CIMIP2B: variants seen among roughly 807,000 people sequenced by gnomAD.
The protein encoded by CIMIP2B is ciliary microtubule inner protein 2B, also known as family with sequence similarity 166 member B.
chr9:35,563,414 C>T, the CIMIP2B span: 1 of 1,552,268 alleles, frequency 6.4e-7, no homozygotes, highest in Non-Finnish European at 8.8e-7. Context: ...CTCCCACTCA[C>T]CAGAATCGCC....
At chr9:35,563,840 C>T in the CIMIP2B span, 47 of 1,613,572 alleles carry the variant, frequency 2.9e-5, 1 homozygote, top group Middle Eastern at 3.3e-4. Context: ...GGGAGCCGGG[C>T]ATTTCCTTTT....
At chr9:35,563,660 T>A in the CIMIP2B span, 108 of 1,098,124 alleles carry the variant, frequency 9.8e-5, no homozygotes, top group Middle Eastern at 4.0e-4. Flanking sequence ...GACCTCAGCC[T>A]CCCAAACCAA....
chr9:35,562,601 C>A, the CIMIP2B span: 1 of 1,609,532 alleles, frequency 6.2e-7, no homozygotes, highest in Non-Finnish European at 8.5e-7. Flanking sequence ...TGAGCCAAGG[C>A]ATCCTGGGGC....
At chr9:35,563,300 A>G in the CIMIP2B span, 1 of 1,613,968 alleles carries the variant, frequency 6.2e-7, no homozygotes. Flanking sequence ...GGGCCAGGCT[A>G]GGCCAGGAGG....
At chr9:35,563,531 G>A in the CIMIP2B span, 1 of 768,830 alleles carries the variant, frequency 1.3e-6, no homozygotes, top group Non-Finnish European at 2.1e-6. Flanking sequence ...TCTCTGCCTG[G>A]GCTTTCGATC....
the CIMIP2B span, chr9:35,562,814 GAC>G: frequency 1.2e-6 from 2 of 1,610,490 alleles, no homozygotes; most frequent in East Asian, 4.5e-5. Flanking sequence ...CCACTGCCCG[GAC>G]ACACAGTAAG....
At chr9:35,562,552 G>A in the CIMIP2B span, 705,697 of 1,585,980 alleles carry the variant, frequency 0.44, 162,243 homozygotes, top group Admixed American at 0.59. Context: ...GGAAGCGGGC[G>A]CAGGGCACAT....
At chr9:35,561,877 AAG>A in the CIMIP2B span, 3 of 692,102 alleles carry the variant, frequency 4.3e-6, no homozygotes, top group East Asian at 5.5e-5. Flanking sequence ...ATTAATAAAA[AAG>A]GTGCTCAGCC....
the CIMIP2B span, chr9:35,562,960 G>A: frequency 6.2e-7 from 1 of 1,613,940 alleles, no homozygotes; most frequent in Non-Finnish European, 8.5e-7. Context: ...TCTTCCCTTG[G>A]CCTCCTTTGG....
chr9:35,561,996 T>C, the CIMIP2B span: 1 of 1,323,578 alleles, frequency 7.6e-7, no homozygotes, highest in Non-Finnish European at 9.8e-7. Flanking sequence ...GGGAACTTGA[T>C]GTCCAGTGGC....
the CIMIP2B span, chr9:35,562,200 C>CTAAT: frequency 3.4e-5 from 36 of 1,060,816 alleles, no homozygotes; most frequent in African/African-American, 4.8e-4. Context: ...AAATCTGGCC[C>CTAAT]TAATTCCCCA....
the CIMIP2B span, chr9:35,563,155 T>C: frequency 1.2e-6 from 2 of 1,613,812 alleles, no homozygotes; most frequent in Non-Finnish European, 1.7e-6. Context: ...TGTGCATACC[T>C]GCGTACAAAC....
the CIMIP2B span, chr9:35,563,831 G>A: frequency 1.9e-6 from 3 of 1,613,796 alleles, no homozygotes; most frequent in African/African-American, 4.0e-5. Flanking sequence ...ACAGCCATGG[G>A]GAGCCGGGCA....
At chr9:35,563,237 A>C in the CIMIP2B span, 2 of 1,613,914 alleles carry the variant, frequency 1.2e-6, no homozygotes, top group Non-Finnish European at 1.7e-6. Flanking sequence ...CTCCCTGGGA[A>C]CCTCAGGAGA....
At chr9:35,562,310 A>G in the CIMIP2B span, 1,736 of 1,310,652 alleles carry the variant, frequency 1.3e-3, 7 homozygotes, top group South Asian at 7.6e-4. Context: ...CCCACAAACC[A>G]CCCAACCCAC....
At chr9:35,563,165 C>T in the CIMIP2B span, 2 of 1,613,568 alleles carry the variant, frequency 1.2e-6, no homozygotes, top group African/African-American at 2.7e-5. Flanking sequence ...TGCGTACAAA[C>T]CTGTGTACCC....
chr9:35,563,337 G>T, the CIMIP2B span: 1 of 1,613,892 alleles, frequency 6.2e-7, no homozygotes, highest in Middle Eastern at 1.6e-4. Flanking sequence ...CCAGTCACCT[G>T]CCCATAGGTC....
chr9:35,562,073 G>A, the CIMIP2B span: 4 of 1,535,194 alleles, frequency 2.6e-6, no homozygotes, highest in Non-Finnish European at 3.5e-6. Flanking sequence ...GGCCAAATGT[G>A]TGGCCAAACT....
chr9:35,562,678 T>G, the CIMIP2B span: 1 of 1,613,710 alleles, frequency 6.2e-7, no homozygotes, highest in Admixed American at 1.7e-5. Context: ...AGGGTCCCTG[T>G]CATCCATGGA....
Sources: allele counts gnomAD v4.1 joint callset, GRCh38; gene constraint gnomAD v4.1.1; transcripts MANE v1.5; gene names NCBI Gene and HGNC (gene_info 2026-07-23, HGNC 2026-07-21).